NLRP1: variants seen among roughly 807,000 people sequenced by gnomAD.
NLRP1 encodes NACHT, LRR and PYD domains-containing protein 1.
Under a neutral mutation model 136.7 loss-of-function variants are expected in NLRP1, and 94 were observed. The observed-to-expected ratio is 0.69, with a 90% CI of 0.58 to 0.82. The LOEUF is 0.82. NLRP1 is among the 40% of genes least tolerant of loss of function. NLRP1 has a pLI of 0.00. For missense variants in NLRP1, 1,575 were observed against 1,802.7 expected (o/e 0.87, Z 2.29); for synonymous variants, 690 against 725.1 (o/e 0.95, Z 0.78).
chr17:5,555,633 C>T (rs1275494234), intron 4 of NLRP1, among the ~76,000 whole-genome samples: 1 of 152,158 alleles, frequency 6.6e-6, no homozygotes, highest in Non-Finnish European at 1.5e-5. Context: ...CTGCTACTTG[C>T]AGTACCTGTA....
At chr17:5,531,152 ATCT>A (rs1195430802) in intron 11 of NLRP1, among the ~76,000 whole-genome samples, 14 of 150,026 alleles carry the variant, frequency 9.3e-5, no homozygotes, top group African/African-American at 2.9e-4. Context: ...CTGTCTATCT[ATCT>A]ATCTATCTAA....
intron 5 of NLRP1, among the ~76,000 whole-genome samples, chr17:5,545,526 AC>A (rs1912537288): frequency 7.0e-6 from 1 of 142,940 alleles, no homozygotes; most frequent in African/African-American, 2.5e-5. Flanking sequence ...ACACACAGAC[AC>A]AGACACAGAC....
chr17:5,533,746 A>T (rs1291126346), intron 9 of NLRP1, 151 bp downstream of exon 9: 1 of 667,452 alleles, frequency 1.5e-6, no homozygotes, highest in Non-Finnish European at 2.7e-6. Flanking sequence ...AGTTCCTAGG[A>T]GTGGGAGCTC....
intron 2 of NLRP1, 37 bp downstream of exon 2, chr17:5,582,633 C>A: frequency 6.2e-7 from 1 of 1,602,050 alleles, no homozygotes; most frequent in Non-Finnish European, 8.5e-7. Context: ...ATTCACAGCT[C>A]CACCCAGGGC....
chr17:5,583,499 G>GC lies in NLRP1; in HGVS notation c.271+187dup, dbSNP rs949992429. Among the ~76,000 whole-genome samples, 53 of 152,014 alleles carry GC rather than the reference G, an allele frequency of 3.5e-4. No homozygotes were observed. Among genetic ancestry groups the GC allele is most frequent in the African/African-American group, 1.2e-3 (50 of 41,368 alleles). On this transcript the variant is annotated intron_variant, in intron 1 of 16. Coordinates refer to ENST00000572272, the MANE Select transcript of NLRP1 (RefSeq NM_033004.4). The surrounding 1 kb of genome is among the most constrained non-coding windows in gnomAD (Gnocchi z 4.5). ...TGTGGGGCTCTGAGGTGCAGCAAGG[G>GC]CCCCCCCAGCAAGCCTCCTGGCTCC...
intron 3 of NLRP1, among the ~76,000 whole-genome samples, chr17:5,574,588 A>G (rs893185463): frequency 1.3e-5 from 2 of 152,144 alleles, no homozygotes; most frequent in Non-Finnish European, 2.9e-5. Context: ...AGGGAAGCCC[A>G]TCAGACTAAC....
intron 15 of NLRP1, chr17:5,501,943 C>T: frequency 7.2e-7 from 1 of 1,390,342 alleles, no homozygotes; most frequent in Non-Finnish European, 1.0e-6. Context: ...CACTGGCCGG[C>T]TTTGTTAGTT....
intron 5 of NLRP1, among the ~76,000 whole-genome samples, chr17:5,542,378 TCTTC>T (rs955565657): frequency 2.0e-5 from 3 of 152,064 alleles, no homozygotes; most frequent in Non-Finnish European, 4.4e-5. Context: ...CCCTTCTCTC[TCTTC>T]CTTCCTCACC....
chr17:5,560,114 GT>G, intron 3 of NLRP1, 71 bp from the exon 4 acceptor site: 1 of 1,364,562 alleles, frequency 7.3e-7, no homozygotes, highest in Non-Finnish European at 9.7e-7. Context: ...TTAAACAACT[GT>G]TTTAGGCACC....
chr17:5,502,156 T>G (rs1042907360), intron 15 of NLRP1: 5 of 353,044 alleles, frequency 1.4e-5, no homozygotes, highest in African/African-American at 1.0e-4. Flanking sequence ...GAATGAATGA[T>G]GCAGTGAATA....
intron 12 of NLRP1, among the ~76,000 whole-genome samples, chr17:5,522,061 G>A (rs1254479431): frequency 2.0e-5 from 3 of 152,212 alleles, no homozygotes; most frequent in Non-Finnish European, 4.4e-5. Context: ...CTGACCTCAG[G>A]TGATCCGCCT....
intron 4 of NLRP1, among the ~76,000 whole-genome samples, chr17:5,558,119 C>T (rs542087924): frequency 6.6e-6 from 1 of 152,210 alleles, no homozygotes; most frequent in African/African-American, 2.4e-5. Context: ...AGTGGCCTCT[C>T]CAGAAGCAAG....
rs199569933 is a variant in NLRP1, at chr17:5,582,743, C to T, written c.375G>A (p.Pro125=). The part of the protein sequence containing the change: ...AVLMPWIHEL[P]AGCTQGSERR... The stretch of plus-strand genomic sequence containing the variant: ...TCTCTGAGCCCTGGGTGCACCCCGC[C>T]GGCAATTCATGGATCCAGGGCATTA... The change falls in exon 2 of 17, where the codon CCG becomes CCA. Residue 125 remains proline (P), a synonymous_variant. Transcript: ENST00000572272. The T allele has an allele frequency of 1.5e-4, 246 of 1,613,990 alleles. No individual in the cohort carries two copies. Among genetic ancestry groups the T allele is most frequent in the Non-Finnish European group, 1.9e-4 (223 of 1,180,012 alleles).
intron 14 of NLRP1, 31 bp downstream of exon 14, chr17:5,520,850 G>A (rs200046090): frequency 5.7e-5 from 87 of 1,518,374 alleles, no homozygotes; most frequent in Middle Eastern, 3.6e-4. Context: ...ACTTCTGTTC[G>A]CAGTGAAGAG....
chr17:5,515,216 C>T, intron 16 of NLRP1, 143 bp from the exon 17 acceptor site: 4 of 881,558 alleles, frequency 4.5e-6, no homozygotes, highest in Non-Finnish European at 5.3e-6. Flanking sequence ...CAGCATCTAG[C>T]TTGGCATTCT....
chr17:5,577,903 A>G (rs1905179675), intron 3 of NLRP1, among the ~76,000 whole-genome samples: 1 of 152,242 alleles, frequency 6.6e-6, no homozygotes, highest in Non-Finnish European at 1.5e-5. Flanking sequence ...TACTGGTACC[A>G]AAACAGAGAT....
At chr17:5,523,261 G>A (rs1189931069) in intron 12 of NLRP1, among the ~76,000 whole-genome samples, 1 of 152,068 alleles carries the variant, frequency 6.6e-6, no homozygotes, top group Non-Finnish European at 1.5e-5. Context: ...ATTCTAGCCT[G>A]GGTGACAGAG....
chr17:5,513,258 TTTTC>T (rs1907755173), downstream of NLRP1, among the ~76,000 whole-genome samples: 1 of 152,174 alleles, frequency 6.6e-6, no homozygotes, highest in African/African-American at 2.4e-5. Flanking sequence ...TCTCTTATTT[TTTTC>T]TTTCTTATTT....
Position 5,583,064 on chromosome 17 carries a change from A to G in NLRP1, c.272-218T>C, listed in dbSNP as rs989024660. 6.6e-6 allele frequency among the ~76,000 whole-genome samples: 1 copy of G among 152,016 alleles called. No homozygotes were observed. The highest frequency in any genetic ancestry group is 2.1e-4 in the South Asian group (1 of 4,832). On this transcript the variant is annotated intron_variant, in intron 1 of 16. Transcript: ENST00000572272. The surrounding 1 kb of genome is among the most constrained non-coding windows in gnomAD (Gnocchi z 4.5). ...CCTCATCTAGGATCAGGAAATTTGCATATCTGTCTTGGTCCTGACTATCTC... is the reference window on the plus strand; with the variant it reads ...CCTCATCTAGGATCAGGAAATTTGCGTATCTGTCTTGGTCCTGACTATCTC...
Sources: gnomAD v4.1 joint callset for allele counts (sites outside exome capture counted in the v4.1 genomes callset) on GRCh38, gnomAD v4.1.1 for gene constraint, Gnocchi (gnomAD v3.1) non-coding constraint, MANE v1.5 for transcripts, NCBI Gene and HGNC (gene_info 2026-07-23, HGNC 2026-07-21) for gene names.